Variants in ADAMTS12 observed in about 807,000 individuals in gnomAD.
The protein encoded by ADAMTS12 is ADAM metallopeptidase with thrombospondin type 1 motif 12, also known as A disintegrin and metalloproteinase with thrombospondin motifs 12.
ADAMTS12 carries 118 observed loss-of-function variants against 167.8 expected under a neutral mutation model. The observed-to-expected ratio is 0.70, with a 90% CI of 0.61 to 0.82. The LOEUF (loss-of-function observed/expected upper bound fraction) is 0.82. ADAMTS12 is among the 40% of genes least tolerant of loss of function. The probability of loss-of-function intolerance (pLI) is 0.00; values close to 1 mark genes in which losing one functional copy is unlikely to be tolerated. For synonymous variants in ADAMTS12, 704 were observed against 716.9 expected, an observed-to-expected ratio of 0.98 and a Z score of 0.29; for missense variants, 1,916 against 1,998.8, an observed-to-expected ratio of 0.96 and a Z score of 0.79.
chr5:33,619,994 A>C (rs7716438), intron 14 of ADAMTS12, among the ~76,000 whole-genome samples: 3,545 of 152,294 alleles, frequency 0.023, 153 homozygotes, highest in African/African-American at 0.08. Flanking sequence ...CATCCGGCCA[A>C]TGACTTTGCT....
At chr5:33,645,419 C>T (rs1016320171) in intron 9 of ADAMTS12, among the ~76,000 whole-genome samples, 21 of 152,060 alleles carry the variant, frequency 1.4e-4, no homozygotes, top group African/African-American at 4.1e-4. Context: ...CTTTGAGAAT[C>T]GCGGCTTCAT....
intron 2 of ADAMTS12, among the ~76,000 whole-genome samples, chr5:33,878,921 G>C (rs189324995): frequency 1.9e-3 from 293 of 152,212 alleles, no homozygotes; most frequent in African/African-American, 6.8e-3. Context: ...AACTTCAGCG[G>C]GCATCAGAAT....
intron 2 of ADAMTS12, among the ~76,000 whole-genome samples, chr5:33,820,271 T>C (rs1464518106): frequency 6.6e-6 from 1 of 152,184 alleles, no homozygotes; most frequent in African/African-American, 2.4e-5. Context: ...GGGAATTTTA[T>C]CTTTGAAATG....
At chr5:33,829,721 C>T (rs1003638400) in intron 2 of ADAMTS12, among the ~76,000 whole-genome samples, 28 of 152,212 alleles carry the variant, frequency 1.8e-4, no homozygotes, top group African/African-American at 6.8e-4. Flanking sequence ...TTCCCCTACA[C>T]ATCTAAGAGC....
chr5:33,793,336 G>C (rs1183325963), intron 2 of ADAMTS12, among the ~76,000 whole-genome samples: 4 of 152,170 alleles, frequency 2.6e-5, no homozygotes, highest in African/African-American at 9.7e-5. Flanking sequence ...ATGAGAATCT[G>C]TTCAAAATGT....
At chr5:33,699,212 G>C (rs1246634498) in intron 3 of ADAMTS12, among the ~76,000 whole-genome samples, 1 of 151,954 alleles carries the variant, frequency 6.6e-6, no homozygotes, top group African/African-American at 2.4e-5. Flanking sequence ...AGGAGGCATA[G>C]ACATACAGAT....
chr5:33,770,543 A>G (rs111666713), intron 2 of ADAMTS12, among the ~76,000 whole-genome samples: 11 of 152,248 alleles, frequency 7.2e-5, no homozygotes, highest in African/African-American at 2.6e-4. Flanking sequence ...TGTTTTTCAC[A>G]TTCATCTGAA....
intron 2 of ADAMTS12, among the ~76,000 whole-genome samples, chr5:33,813,187 A>C (rs1365019774): frequency 6.6e-6 from 1 of 152,186 alleles, no homozygotes; most frequent in African/African-American, 2.4e-5. Flanking sequence ...GCAATATTTA[A>C]AGAGTCTATA....
intron 1 of ADAMTS12, among the ~76,000 whole-genome samples, chr5:33,886,400 T>C (rs1750639048): frequency 6.6e-6 from 1 of 152,198 alleles, no homozygotes; most frequent in South Asian, 2.1e-4. Context: ...GTTATCCCCA[T>C]TTCATAGATA....
At chr5:33,623,231 C>T (rs1739417123) in intron 14 of ADAMTS12, among the ~76,000 whole-genome samples, 1 of 152,158 alleles carries the variant, frequency 6.6e-6, no homozygotes, top group African/African-American at 2.4e-5. Context: ...GGCATCAACC[C>T]TGTGTAGCAG....
intron 2 of ADAMTS12, among the ~76,000 whole-genome samples, chr5:33,819,270 A>T (rs1453072106): frequency 6.6e-6 from 1 of 152,132 alleles, no homozygotes; most frequent in African/African-American, 2.4e-5. Flanking sequence ...TATGATGTAA[A>T]ATCAAATTTC....
At chr5:33,580,220 G>A (rs1337580085) in intron 18 of ADAMTS12, among the ~76,000 whole-genome samples, 1 of 152,218 alleles carries the variant, frequency 6.6e-6, no homozygotes, top group Non-Finnish European at 1.5e-5. Context: ...ACCAGACAGG[G>A]AAATTTATGA....
At chr5:33,680,872 G>A (rs1454100467) in intron 5 of ADAMTS12, among the ~76,000 whole-genome samples, 10 of 152,122 alleles carry the variant, frequency 6.6e-5, no homozygotes, top group Admixed American at 5.9e-4. Flanking sequence ...TATTGGTCTG[G>A]TTCCGCCAAC....
intron 12 of ADAMTS12, 137 bp from the exon 13 acceptor site, chr5:33,631,050 G>A: frequency 2.2e-6 from 2 of 917,180 alleles, no homozygotes; most frequent in Non-Finnish European, 3.2e-6. Flanking sequence ...TGAGACACAT[G>A]CTGAAATATG....
chr5:33,614,162 A>C, intron 16 of ADAMTS12, 76 bp downstream of exon 16: 1 of 1,546,024 alleles, frequency 6.5e-7, no homozygotes, highest in Middle Eastern at 2.3e-4. Flanking sequence ...AGCACAAAGC[A>C]AATCACTGGT....
At chr5:33,588,857 A>G (rs539479028) in intron 17 of ADAMTS12, 48 bp from the exon 18 acceptor site, 1 of 1,599,558 alleles carries the variant, frequency 6.3e-7, no homozygotes, top group Admixed American at 1.7e-5. Context: ...ACTTACGCAT[A>G]TGTTCCATTC....
At chr5:33,772,536 T>G (rs889277) in intron 2 of ADAMTS12, among the ~76,000 whole-genome samples, 54,770 of 152,046 alleles carry the variant, frequency 0.36, 10,963 homozygotes, top group East Asian at 0.58. Flanking sequence ...CAAAAATAAT[T>G]CCAGAATTAA....
Position 33,586,518 on chromosome 5 carries a change from T to A in ADAMTS12, c.2865+2081A>T, listed in dbSNP as rs561342741. The stretch of plus-strand genomic sequence containing the variant: ...CAAGTGCTTCTTACATCATGCCAAC[T>A]TTTTGGTCTCTTGTTCTCCAGTTAA... On this transcript the variant is annotated intron_variant, in intron 18 of 23. Coordinates refer to ENST00000504830, the MANE Select transcript of ADAMTS12 (RefSeq NM_030955.4). 4.6e-5 allele frequency among the ~76,000 whole-genome samples: 7 copies of A among 152,360 alleles called. No individual in the cohort carries two copies. The East Asian group carries it at 1.3e-3, about 29-fold the overall frequency.
intron 2 of ADAMTS12, among the ~76,000 whole-genome samples, chr5:33,800,108 T>C (rs370836417): frequency 6.6e-6 from 1 of 152,154 alleles, no homozygotes; most frequent in African/African-American, 2.4e-5. Context: ...TTTAGCAAAA[T>C]ACAAACGCAG....
Sources: gnomAD v4.1 joint callset for allele counts (sites outside exome capture counted in the v4.1 genomes callset) on GRCh38, gnomAD v4.1.1 for gene constraint, MANE v1.5 for transcripts, NCBI Gene and HGNC (gene_info 2026-07-23, HGNC 2026-07-21) for gene names.